Variants in NECAB1 observed in about 807,000 individuals in gnomAD.
NECAB1 encodes the protein N-terminal EF-hand calcium binding protein 1, also known as N-terminal EF-hand calcium-binding protein 1.
In NECAB1, 29 loss-of-function variants were observed where a neutral mutation model predicts 57.5. The ratio of observed to expected loss-of-function variants is 0.50; its 90% CI spans 0.38 to 0.69. NECAB1 has a LOEUF of 0.69. NECAB1 is among the 30% of genes least tolerant of loss of function. The probability of loss-of-function intolerance (pLI) is 0.00; values close to 1 mark genes in which losing one functional copy is unlikely to be tolerated. For missense variants in NECAB1, 372 were observed against 413.8 expected, an observed-to-expected ratio of 0.90 and a Z score of 0.88; for synonymous variants, 142 against 147.7, an observed-to-expected ratio of 0.96 and a Z score of 0.28.
chr8:90,807,560 C>G (rs573756220), intron 2 of NECAB1, among the ~76,000 whole-genome samples: 3 of 152,180 alleles, frequency 2.0e-5, no homozygotes, highest in Admixed American at 2.0e-4. Context: ...ATCACCACCC[C>G]GCACTGTGCT....
chr8:90,952,303 C>CA (rs1453657969), intron 12 of NECAB1, among the ~76,000 whole-genome samples: 5 of 151,742 alleles, frequency 3.3e-5, no homozygotes, highest in Non-Finnish European at 7.4e-5. Context: ...TTAACCACAG[C>CA]AAGATGATTG....
chr8:90,838,374 A>T (rs1490099468), intron 3 of NECAB1, among the ~76,000 whole-genome samples: 2 of 152,250 alleles, frequency 1.3e-5, no homozygotes, highest in African/African-American at 4.8e-5. Flanking sequence ...CTAAATATTG[A>T]AATAAGTGTG....
intron 12 of NECAB1, among the ~76,000 whole-genome samples, chr8:90,953,988 G>A (rs755776142): frequency 4.6e-5 from 7 of 151,906 alleles, no homozygotes; most frequent in Non-Finnish European, 1.0e-4. Context: ...AGACTCACTT[G>A]AACCTGGGAG....
intron 5 of NECAB1, among the ~76,000 whole-genome samples, chr8:90,887,906 T>TA (rs955552349): frequency 6.6e-6 from 1 of 152,028 alleles, no homozygotes; most frequent in African/African-American, 2.4e-5. Flanking sequence ...CAAGGGGACT[T>TA]AAAAAAAATT....
At position 90,925,540 on chromosome 8, in the gene NECAB1, G is replaced by T; in HGVS notation, c.500G>T (p.Gly167Val). 6.2e-7 allele frequency: 1 copy of T among 1,612,458 alleles called. No homozygotes were observed. Among genetic ancestry groups the T allele is most frequent in the Non-Finnish European group, 8.5e-7 (1 of 1,179,310 alleles). The change falls in exon 7 of 13, where the codon GGG becomes GTG. Residue 167 changes from glycine (G) to valine (V), a missense_variant. Gly to Val is a moderately radical substitution (Grantham distance 109). Coordinates refer to ENST00000417640, the MANE Select transcript of NECAB1 (RefSeq NM_022351.5). The part of the protein sequence containing the change: ...TEEQTRQERQ[G>V]PAKPEVLSIQ... ...TGTTATCTCTGTTGATCAAGGCAAG[G>T]GCCAGCCAAGCCAGAAGTCCTGTCG...
intron 8 of NECAB1, among the ~76,000 whole-genome samples, chr8:90,929,957 A>G (rs989197749): frequency 1.3e-5 from 2 of 152,212 alleles, no homozygotes; most frequent in African/African-American, 4.8e-5. Context: ...GGATAGCCTC[A>G]AATAATAGTC....
At chr8:90,891,688 TTTTTTC>T (rs1809172457) in intron 5 of NECAB1, among the ~76,000 whole-genome samples, 1 of 151,578 alleles carries the variant, frequency 6.6e-6, no homozygotes, top group African/African-American at 2.4e-5. Flanking sequence ...AGTCAAGACT[TTTTTTC>T]TTTTTCTTTT....
chr8:90,907,777 G>A (rs564126627), intron 5 of NECAB1, among the ~76,000 whole-genome samples: 3 of 152,092 alleles, frequency 2.0e-5, no homozygotes, highest in African/African-American at 4.8e-5. Flanking sequence ...TTACCTGTTT[G>A]TTATTCTGAG....
chr8:90,812,068 G>A (rs1024401885), intron 2 of NECAB1, among the ~76,000 whole-genome samples: 2 of 152,266 alleles, frequency 1.3e-5, no homozygotes, highest in African/African-American at 4.8e-5. Flanking sequence ...TGTTGACCAG[G>A]CAAAATTAAC....
At chr8:90,867,356 A>G (rs917994172) in intron 3 of NECAB1, among the ~76,000 whole-genome samples, 1 of 152,250 alleles carries the variant, frequency 6.6e-6, no homozygotes, top group African/African-American at 2.4e-5. Flanking sequence ...AAATATAAAA[A>G]CAAGATGAAC....
chr8:90,926,832 G>A (rs1810283705), intron 7 of NECAB1, among the ~76,000 whole-genome samples: 1 of 152,166 alleles, frequency 6.6e-6, no homozygotes, highest in Non-Finnish European at 1.5e-5. Flanking sequence ...GTCAAGCACA[G>A]TAACAATGGG....
chr8:90,927,695 C>T (rs1003080419), intron 7 of NECAB1, among the ~76,000 whole-genome samples: 1 of 150,640 alleles, frequency 6.6e-6, no homozygotes, highest in Admixed American at 6.6e-5. Flanking sequence ...GAATATAGAT[C>T]AACAGGCTCC....
In NECAB1 at chr8:90,844,339, T is replaced by A. The variant is rs114341188; in HGVS notation, c.233+19514T>A. ...CTTAACCTCCAGCCCTTTTCAAGTC[T>A]GCCAGCTCCCTCTGTGATGTTACCA... is the stretch of plus-strand genomic sequence containing the variant. On this transcript the variant is annotated intron_variant, in intron 3 of 12. Transcript: ENST00000417640. 1.4e-3 allele frequency among the ~76,000 whole-genome samples: 207 copies of A among 152,292 alleles called. 1 individual carries two copies. Among genetic ancestry groups the A allele is most frequent in the African/African-American group, 4.9e-3 (202 of 41,566 alleles).
intron 3 of NECAB1, among the ~76,000 whole-genome samples, chr8:90,866,101 A>C (rs1808508082): frequency 6.6e-6 from 1 of 152,210 alleles, no homozygotes; most frequent in African/African-American, 2.4e-5. Flanking sequence ...CCAATTCTGC[A>C]TCTGTTGATT....
At chr8:90,937,441 A>G (rs979162241) in intron 9 of NECAB1, among the ~76,000 whole-genome samples, 2 of 152,168 alleles carry the variant, frequency 1.3e-5, no homozygotes, top group Non-Finnish European at 2.9e-5. Context: ...CATAATACTT[A>G]AGATGAAATC....
At chr8:90,796,002 G>T (rs1811655577) in intron 1 of NECAB1, among the ~76,000 whole-genome samples, 1 of 152,064 alleles carries the variant, frequency 6.6e-6, no homozygotes, top group Non-Finnish European at 1.5e-5. Context: ...TTTTAAAAAA[G>T]TATTTAAAAA....
intron 1 of NECAB1, among the ~76,000 whole-genome samples, chr8:90,796,039 A>C (rs1270287018): frequency 3.3e-5 from 5 of 152,190 alleles, no homozygotes; most frequent in Non-Finnish European, 7.3e-5. Context: ...GTTATCATAC[A>C]TTAAAAATTG....
intron 4 of NECAB1, among the ~76,000 whole-genome samples, chr8:90,876,296 CT>C (rs994168515): frequency 1.3e-5 from 2 of 152,078 alleles, no homozygotes; most frequent in African/African-American, 4.8e-5. Flanking sequence ...TTGCGTGTCG[CT>C]TATCTGCATC....
chr8:90,941,747 T>C (rs908366474), intron 10 of NECAB1, among the ~76,000 whole-genome samples: 10 of 152,186 alleles, frequency 6.6e-5, no homozygotes, highest in African/African-American at 2.4e-4. Context: ...ATAATCTGTT[T>C]GTTCCCCACT....
Sources: gnomAD v4.1 joint callset for allele counts (sites outside exome capture counted in the v4.1 genomes callset) on GRCh38, gnomAD v4.1.1 for gene constraint, MANE v1.5 for transcripts, NCBI Gene and HGNC (gene_info 2026-07-23, HGNC 2026-07-21) for gene names.